The following TSPAN2 variants were observed in gnomAD, a reference collection of about 807,000 sequenced individuals.
TSPAN2 encodes the protein tetraspanin-2.
Under a neutral mutation model 33.3 loss-of-function variants are expected in TSPAN2, and 24 were observed. That is an observed-to-expected ratio of 0.72 (90% CI 0.52 to 1.01). TSPAN2 has a LOEUF of 1.01. Among genes scored for constraint, TSPAN2 ranks in the 50% least tolerant of loss-of-function variants. The probability of loss-of-function intolerance (pLI) is 0.00; values close to 1 mark genes in which losing one functional copy is unlikely to be tolerated. For synonymous variants in TSPAN2, 114 were observed against 104.5 expected (o/e 1.09, Z -0.56); for missense variants, 278 against 281.3 (o/e 0.99, Z 0.08).
intron 1 of TSPAN2, among the ~76,000 whole-genome samples, chr1:115,076,883 C>T (rs1648432090): frequency 6.6e-6 from 1 of 151,776 alleles, no homozygotes; most frequent in Admixed American, 6.6e-5. Flanking sequence ...CCAGAATGCA[C>T]ATGAGAAATT....
At chr1:115,076,664 G>A (rs1417904475) in intron 1 of TSPAN2, among the ~76,000 whole-genome samples, 1 of 152,216 alleles carries the variant, frequency 6.6e-6, no homozygotes, top group Non-Finnish European at 1.5e-5. Context: ...TCTGGAAATG[G>A]ACTTTTTCAT....
Position 115,050,236 on chromosome 1 carries a change from G to A in TSPAN2, c.*254C>T. The A allele has an allele frequency of 2.2e-6, 1 of 455,146 alleles. No individual in the cohort carries two copies. Among genetic ancestry groups the A allele is most frequent in the East Asian group, 4.4e-5 (1 of 22,946 alleles). 28.2% of individuals were successfully genotyped at this position (455,146 alleles called of 1,614,324 possible). On this transcript the variant is annotated 3_prime_UTR_variant, in exon 8 of 8. Transcript: ENST00000369516. ...AAGAATCAGGAATTCCCAGCAAACAGATTTCATTACGTATAAAGCATATTC... is the reference window on the plus strand; with the variant it reads ...AAGAATCAGGAATTCCCAGCAAACAAATTTCATTACGTATAAAGCATATTC...
chr1:115,051,112 C>T (rs1173249142), intron 7 of TSPAN2, among the ~76,000 whole-genome samples: 1 of 152,060 alleles, frequency 6.6e-6, no homozygotes, highest in African/African-American at 2.4e-5. Context: ...GAGTTCTAGA[C>T]CAGCCTGGGA....
intron 1 of TSPAN2, among the ~76,000 whole-genome samples, chr1:115,076,427 A>G (rs1648415621): frequency 6.6e-6 from 1 of 152,192 alleles, no homozygotes; most frequent in East Asian, 1.9e-4. Context: ...GGAAACCATC[A>G]GGAGCATGAA....
intron 1 of TSPAN2, among the ~76,000 whole-genome samples, chr1:115,074,343 C>T (rs1648312852): frequency 6.6e-6 from 1 of 152,192 alleles, no homozygotes; most frequent in South Asian, 2.1e-4. Context: ...CCCTCTTCTC[C>T]TTCTATCTCC....
At chr1:115,062,098 A>ACCCC in intron 3 of TSPAN2, 37 bp downstream of exon 3, 1 of 1,382,760 alleles carries the variant, frequency 7.2e-7, no homozygotes, top group Non-Finnish European at 1.0e-6. Context: ...CCGCTCCCTC[A>ACCCC]CCCCCACCCC....
At chr1:115,076,108 A>G (rs1051564080) in intron 1 of TSPAN2, among the ~76,000 whole-genome samples, 2 of 152,188 alleles carry the variant, frequency 1.3e-5, no homozygotes, top group African/African-American at 4.8e-5. Context: ...GATTGGAGCA[A>G]ACTGTAGCCA....
At chr1:115,060,417 A>G in intron 4 of TSPAN2, 47 bp downstream of exon 4, 1 of 1,439,880 alleles carries the variant, frequency 6.9e-7, no homozygotes, top group South Asian at 1.2e-5. Flanking sequence ...TCAATATTCT[A>G]ACACTTTTAA....
chr1:115,050,534 T>C lies in TSPAN2; in HGVS notation c.622A>G (p.Met208Val). 5 of 1,613,992 alleles carry C rather than the reference T, an allele frequency of 3.1e-6. No individual in the cohort carries two copies. The highest frequency in any genetic ancestry group is 1.7e-5 in the Admixed American group (1 of 59,968). ...TTTCGTATCGCACAGCAGAGGACCA[T>C]GCTGAATATCATGCCAAAGATCTGA... ...GLTIFGMIFS[M>V]VLCCAIRNSR... The change falls in exon 8 of 8, where the codon ATG becomes GTG. Residue 208 changes from methionine to valine, a missense_variant. Coordinates refer to ENST00000369516, the MANE Select transcript of TSPAN2 (RefSeq NM_005725.6).
chr1:115,050,050 TAAG>T lies in TSPAN2; in HGVS notation c.*437_*439del, dbSNP rs1675270657. On this transcript the variant is annotated 3_prime_UTR_variant, in exon 8 of 8. Coordinates refer to ENST00000369516, the MANE Select transcript of TSPAN2 (RefSeq NM_005725.6). The stretch of plus-strand genomic sequence containing the variant: ...AATTCTTACAGCTTATTACTTCCAT[TAAG>T]AAGAAATCTCTGAATTCTCTGCATC... The T allele has an allele frequency of 4.4e-6, 1 of 227,546 alleles. No homozygotes were observed. The highest frequency in any genetic ancestry group is 5.6e-5 in the Admixed American group (1 of 17,718). The allele number at this position is 227,546 out of a possible 1,614,324, so 14.1% of individuals were successfully genotyped here.
In TSPAN2 at chr1:115,057,544, C is replaced by T. The variant is rs1647480519; in HGVS notation, c.509G>A (p.Gly170Glu). Residue 170 changes from glycine to glutamate, a missense_variant, in exon 6 of 8, where the codon GGA becomes GAA. Transcript: ENST00000369516. ...ACCTTGGTAGAAGCTTACCTTGTGTCCTAGAAGCTCCTTTGGGCATGTAGG... is the reference window on the plus strand; with the variant it reads ...ACCTTGGTAGAAGCTTACCTTGTGTTCTAGAAGCTCCTTTGGGCATGTAGG... Reference protein sequence around the residue: ...VQPTCPKELLGHKNCIDEIET... With the variant: ...VQPTCPKELLEHKNCIDEIET... 2 of 1,613,952 alleles carry T rather than the reference C, an allele frequency of 1.2e-6. No individual in the cohort carries two copies. The highest frequency in any genetic ancestry group is 1.7e-6 in the Non-Finnish European group (2 of 1,179,966).
chr1:115,057,714 A>T (rs1265348155), intron 5 of TSPAN2, 106 bp from the exon 6 acceptor site: 3 of 971,920 alleles, frequency 3.1e-6, no homozygotes, highest in Non-Finnish European at 5.0e-6. Flanking sequence ...AGCAGCTCCG[A>T]GGCCCAGTCA....
intron 1 of TSPAN2, among the ~76,000 whole-genome samples, 173 bp downstream of exon 1, chr1:115,089,191 C>T (rs1648959186): frequency 6.6e-6 from 1 of 152,230 alleles, no homozygotes; most frequent in Non-Finnish European, 1.5e-5. Flanking sequence ...CCGTTCTCTC[C>T]CTTCCATCCC....
intron 2 of TSPAN2, among the ~76,000 whole-genome samples, chr1:115,063,542 C>T (rs1358801295): frequency 6.6e-6 from 1 of 152,204 alleles, no homozygotes; most frequent in Non-Finnish European, 1.5e-5. Context: ...AACTACCACT[C>T]GACCCGGCAA....
At chr1:115,052,552 G>A (rs78521806) in intron 7 of TSPAN2, among the ~76,000 whole-genome samples, 2 of 152,144 alleles carry the variant, frequency 1.3e-5, no homozygotes, top group Admixed American at 6.5e-5. Flanking sequence ...TTTCAAAGGG[G>A]CATACAAAGA....
At position 115,060,513 on chromosome 1, in the gene TSPAN2, A is replaced by G. The variant is rs141955879; in HGVS notation, c.296T>C (p.Phe99Ser). The change falls in exon 4 of 8, where the codon TTT becomes TCT. Residue 99 changes from phenylalanine to serine, a missense_variant. Transcript: ENST00000369516. ...GSFFTCLLVI[F>S]AAEVTTGVFA... The stretch of plus-strand genomic sequence containing the variant: ...TACTCCAGTGGTTACTTCAGCAGCA[A>G]ATATCACCAGGAGGCAGGTAAAAAA... 19 of 1,613,586 alleles carry G rather than the reference A, an allele frequency of 1.2e-5. No homozygotes were observed. In the African/African-American group the frequency reaches 2.4e-4, roughly 20 times the overall value.
chr1:115,072,966 C>T lies in TSPAN2; in HGVS notation c.111G>A (p.Arg37=), dbSNP rs113037675. Residue 37 remains arginine, a synonymous_variant, in exon 2 of 8, where the codon CGG becomes CGA. Transcript: ENST00000369516. ...SAVIAFGLWF[R]FGGAIKELSS... is the part of the protein sequence containing the mutation. The stretch of plus-strand genomic sequence containing the variant: ...ATAACTCCTTTATGGCACCTCCGAA[C>T]CGAAACCATAGTCCAAAAGCAATGA... The T allele has an allele frequency of 8.4e-5, 136 of 1,614,208 alleles. No homozygotes were observed. The African/African-American group carries it at 1.4e-3, about 17-fold the overall frequency.
chr1:115,077,729 G>A (rs1648471049), intron 1 of TSPAN2, among the ~76,000 whole-genome samples: 1 of 152,232 alleles, frequency 6.6e-6, no homozygotes, highest in African/African-American at 2.4e-5. Context: ...GATTGCTGAT[G>A]AGATGTCCTA....
chr1:115,058,990 A>G lies in TSPAN2; in HGVS notation c.346-9T>C. 1 of 1,606,872 alleles carries G rather than the reference A, an allele frequency of 6.2e-7. No individual in the cohort carries two copies. The highest frequency in any genetic ancestry group is 1.1e-5 in the South Asian group (1 of 89,564). ...TGAACATGTCGGATAGCCTGAAGAAATACAAGGAAAAATGAAGGACTTCTG... is the reference window on the plus strand; with the variant it reads ...TGAACATGTCGGATAGCCTGAAGAAGTACAAGGAAAAATGAAGGACTTCTG... On this transcript the variant is annotated splice_polypyrimidine_tract_variant and intron_variant, in intron 4 of 7. Coordinates refer to ENST00000369516, the MANE Select transcript of TSPAN2 (RefSeq NM_005725.6).
Sources: allele counts gnomAD v4.1 joint callset (sites outside exome capture counted in the v4.1 genomes callset), GRCh38; gene constraint gnomAD v4.1.1; transcripts MANE v1.5; gene names NCBI Gene and HGNC (gene_info 2026-07-23, HGNC 2026-07-21).